XKR9: variants seen among roughly 807,000 people sequenced by gnomAD.
The protein encoded by XKR9 is XK related 9, also known as XK-related protein 9.
A neutral mutation model predicts 32.0 loss-of-function variants in XKR9; 32 were observed. The observed-to-expected ratio is 1.00, with a 90% confidence interval of 0.76 to 1.34. The LOEUF (loss-of-function observed/expected upper bound fraction) is 1.34, where lower values mean the gene tolerates loss of function less well. XKR9 is among the 40% of genes most tolerant of loss of function. The pLI is 0.00. For missense variants in XKR9, 546 were observed against 429.7 expected (o/e 1.27, Z -2.39); for synonymous variants, 168 against 143.4 (o/e 1.17, Z -1.22).
chr8:70,901,829 C>T, the XKR9 span, among the ~76,000 whole-genome samples: 2 of 152,014 alleles, frequency 1.3e-5, no homozygotes, highest in Non-Finnish European at 2.9e-5. Context: ...CTTGAATTAG[C>T]TTTTGTGTAA....
At chr8:70,742,601 T>C (rs10099218) in intron 2 of XKR9, among the ~76,000 whole-genome samples, 1 of 152,196 alleles carries the variant, frequency 6.6e-6, no homozygotes. Context: ...ATTTCTTTTT[T>C]AATTTTTTTT....
At chr8:70,871,352 G>A in the XKR9 span, among the ~76,000 whole-genome samples, 1 of 152,054 alleles carries the variant, frequency 6.6e-6, no homozygotes, top group Non-Finnish European at 1.5e-5. Context: ...TGCAGATACT[G>A]GGTTTTTTAA....
chr8:70,991,615 G>A, the XKR9 span, among the ~76,000 whole-genome samples: 3 of 152,082 alleles, frequency 2.0e-5, no homozygotes, highest in Admixed American at 6.6e-5. Context: ...ACATGCCAGC[G>A]TCAGTCCTGA....
the XKR9 span, among the ~76,000 whole-genome samples, chr8:70,803,565 G>T: frequency 6.6e-6 from 1 of 152,154 alleles, no homozygotes; most frequent in African/African-American, 2.4e-5. Flanking sequence ...TCATCCGTGT[G>T]GGCTGATGAT....
At chr8:70,970,564 C>T in the XKR9 span, among the ~76,000 whole-genome samples, 122 of 152,172 alleles carry the variant, frequency 8.0e-4, 1 homozygote, top group East Asian at 9.3e-3. Flanking sequence ...TGAGAACATA[C>T]GGTGTTTGGT....
At chr8:70,885,989 C>T in the XKR9 span, among the ~76,000 whole-genome samples, 1 of 152,058 alleles carries the variant, frequency 6.6e-6, no homozygotes, top group Non-Finnish European at 1.5e-5. Context: ...TTTCTGCACC[C>T]GTCAACCCAT....
At chr8:71,064,838 C>T in the XKR9 span, among the ~76,000 whole-genome samples, 1 of 152,142 alleles carries the variant, frequency 6.6e-6, no homozygotes, top group Non-Finnish European at 1.5e-5. Flanking sequence ...GAAGGTCTCT[C>T]TAAGGACTTT....
At chr8:70,934,015 G>A in the XKR9 span, among the ~76,000 whole-genome samples, 1 of 151,626 alleles carries the variant, frequency 6.6e-6, no homozygotes, top group African/African-American at 2.4e-5. Flanking sequence ...CACATAAGTA[G>A]TGTTATTTAA....
downstream of XKR9, among the ~76,000 whole-genome samples, chr8:70,738,835 C>A (rs375678261): frequency 6.6e-6 from 1 of 152,114 alleles, no homozygotes. Context: ...GTCTGAGAGA[C>A]AGTTTGTTAT....
the XKR9 span, among the ~76,000 whole-genome samples, chr8:70,830,547 ACTGCCTTCCAGCCTGGG>A: frequency 6.6e-6 from 1 of 152,152 alleles, no homozygotes; most frequent in Non-Finnish European, 1.5e-5. Context: ...TGATTGTGCC[ACTGCCTTCCAGCCTGGG>A]CGACAGAACG....
the XKR9 span, among the ~76,000 whole-genome samples, chr8:70,932,979 G>C: frequency 6.6e-6 from 1 of 152,248 alleles, no homozygotes; most frequent in East Asian, 1.9e-4. Context: ...GTGAAAGTGA[G>C]TTATTTTTAT....
chr8:70,906,945 C>A, the XKR9 span, among the ~76,000 whole-genome samples: 1 of 152,068 alleles, frequency 6.6e-6, no homozygotes, highest in Non-Finnish European at 1.5e-5. Flanking sequence ...TTGATAAATG[C>A]ATAGTTTGTA....
chr8:71,010,051 A>C, the XKR9 span, among the ~76,000 whole-genome samples: 10 of 152,300 alleles, frequency 6.6e-5, no homozygotes, highest in African/African-American at 2.4e-4. Flanking sequence ...GTGACTTCCT[A>C]GCTGGGTAGC....
chr8:71,016,736 A>G, the XKR9 span, among the ~76,000 whole-genome samples: 130 of 152,348 alleles, frequency 8.5e-4, no homozygotes, highest in African/African-American at 3.0e-3. Flanking sequence ...CATTTCCACC[A>G]GTAGTAATAA....
chr8:71,005,159 CT>C, the XKR9 span, among the ~76,000 whole-genome samples: 2 of 150,732 alleles, frequency 1.3e-5, no homozygotes, highest in African/African-American at 2.4e-5. Context: ...CTTTATTTTG[CT>C]TATAACCCTG....
intron 2 of XKR9, among the ~76,000 whole-genome samples, chr8:70,758,226 C>G (rs1395836054): frequency 6.6e-6 from 1 of 152,112 alleles, no homozygotes; most frequent in African/African-American, 2.4e-5. Context: ...TAGGGAGGCA[C>G]AGCTTTGAGT....
the XKR9 span, among the ~76,000 whole-genome samples, chr8:70,836,793 T>C: frequency 6.6e-6 from 1 of 152,118 alleles, no homozygotes; most frequent in African/African-American, 2.4e-5. Context: ...ATTGGAAACC[T>C]ACAAGGTGTC....
the XKR9 span, among the ~76,000 whole-genome samples, chr8:70,952,804 G>C: frequency 6.6e-3 from 1,007 of 152,334 alleles, 12 homozygotes; most frequent in African/African-American, 0.023. Context: ...ATAGAGCTGT[G>C]CTCAAGAGCT....
chr8:70,908,760 G>T, the XKR9 span, among the ~76,000 whole-genome samples: 1 of 152,138 alleles, frequency 6.6e-6, no homozygotes, highest in African/African-American at 2.4e-5. Context: ...ATCTTCTTTT[G>T]ATTATTTTTA....
Sources: allele counts gnomAD v4.1 joint callset (sites outside exome capture counted in the v4.1 genomes callset), GRCh38; gene constraint gnomAD v4.1.1; transcripts MANE v1.5; gene names NCBI Gene and HGNC (gene_info 2026-07-23, HGNC 2026-07-21).